Variants in VWA8 observed in about 807,000 individuals in gnomAD.
VWA8 encodes von Willebrand factor A domain-containing protein 8.
A neutral mutation model predicts 241.5 loss-of-function variants in VWA8; 221 were observed. The observed-to-expected ratio is 0.91, with a 90% CI of 0.82 to 1.02. The LOEUF is 1.02. Ranked by LOEUF, VWA8 falls within the 50% of genes least tolerant of loss-of-function variation. VWA8 has a pLI of 0.00. For missense variants in VWA8, 2,322 were observed against 2,328.7 expected (o/e 1.00, Z 0.06); for synonymous variants, 852 against 827.1 (o/e 1.03, Z -0.52).
At chr13:41,657,036 C>T (rs1365905638) in intron 37 of VWA8, among the ~76,000 whole-genome samples, 2 of 152,098 alleles carry the variant, frequency 1.3e-5, no homozygotes, top group Admixed American at 1.3e-4. Flanking sequence ...TATGCCATCC[C>T]TTTGGCCACA....
intron 37 of VWA8, among the ~76,000 whole-genome samples, chr13:41,644,786 T>C (rs919362100): frequency 3.9e-5 from 6 of 152,272 alleles, no homozygotes; most frequent in African/African-American, 1.4e-4. Flanking sequence ...CAGTGTTTAC[T>C]ATAAGGAGTG....
chr13:41,705,090 AT>A (rs2045274535), intron 26 of VWA8, among the ~76,000 whole-genome samples: 1 of 152,218 alleles, frequency 6.6e-6, no homozygotes, highest in South Asian at 2.1e-4. Context: ...TCCCTTTTGA[AT>A]GCTAATGTTT....
At chr13:41,917,659 G>A (rs2138121089) in intron 2 of VWA8, among the ~76,000 whole-genome samples, 1 of 152,270 alleles carries the variant, frequency 6.6e-6, no homozygotes, top group East Asian at 1.9e-4. Flanking sequence ...ACACCAGGCT[G>A]TATAGTGTGG....
intron 36 of VWA8, among the ~76,000 whole-genome samples, chr13:41,673,219 T>C (rs1187876718): frequency 6.6e-6 from 1 of 152,208 alleles, no homozygotes; most frequent in Non-Finnish European, 1.5e-5. Flanking sequence ...GCAGATAATA[T>C]AAAACTTTGA....
intron 35 of VWA8, among the ~76,000 whole-genome samples, chr13:41,680,134 A>T (rs1025154572): frequency 1.3e-5 from 2 of 151,970 alleles, no homozygotes; most frequent in Non-Finnish European, 2.9e-5. Context: ...CAGCTTTGCT[A>T]TGTCTTATAT....
intron 37 of VWA8, among the ~76,000 whole-genome samples, chr13:41,632,064 T>A (rs1488034922): frequency 2.0e-5 from 3 of 152,210 alleles, no homozygotes; most frequent in Admixed American, 2.0e-4. Context: ...AGCCCAGCCA[T>A]CAGACCTCCA....
chr13:41,636,130 T>C (rs1357494141), intron 37 of VWA8, among the ~76,000 whole-genome samples: 1 of 152,060 alleles, frequency 6.6e-6, no homozygotes, highest in Non-Finnish European at 1.5e-5. Flanking sequence ...TTCTTCCTTA[T>C]TAAGAACATC....
At chr13:41,893,710 C>T (rs1874963392) in intron 4 of VWA8, among the ~76,000 whole-genome samples, 1 of 151,990 alleles carries the variant, frequency 6.6e-6, no homozygotes, top group Non-Finnish European at 1.5e-5. Flanking sequence ...ATTGTGAAAC[C>T]CCGTCTCTAC....
intron 42 of VWA8, among the ~76,000 whole-genome samples, chr13:41,586,105 T>A (rs9594582): frequency 0.017 from 2,607 of 151,262 alleles, 80 homozygotes; most frequent in African/African-American, 0.059. Context: ...ATCTATCTCA[T>A]ACTAGAAAGG....
chr13:41,863,188 T>TATATATATATACACACACACAC (rs1566485237), intron 12 of VWA8, among the ~76,000 whole-genome samples: 2 of 151,338 alleles, frequency 1.3e-5, no homozygotes, highest in African/African-American at 4.9e-5. Flanking sequence ...AAGACGGGTC[T>TATATATATATACACACACACAC]AGCCTCCCAG....
At chr13:41,750,166 G>A (rs2045644535) in intron 21 of VWA8, among the ~76,000 whole-genome samples, 1 of 152,046 alleles carries the variant, frequency 6.6e-6, no homozygotes, top group Non-Finnish European at 1.5e-5. Context: ...TTGGCATGGT[G>A]GCTCACACCT....
intron 12 of VWA8, among the ~76,000 whole-genome samples, chr13:41,857,666 C>A (rs1872810834): frequency 6.6e-6 from 1 of 151,958 alleles, no homozygotes; most frequent in African/African-American, 2.4e-5. Flanking sequence ...AGCATTCTCC[C>A]ACTATATAGG....
At chr13:41,805,243 A>G (rs2137965988) in intron 17 of VWA8, among the ~76,000 whole-genome samples, 1 of 152,322 alleles carries the variant, frequency 6.6e-6, no homozygotes, top group Admixed American at 6.5e-5. Context: ...GAAACAAACA[A>G]ACAAAAGAAA....
intron 37 of VWA8, among the ~76,000 whole-genome samples, chr13:41,621,567 T>C (rs1683815999): frequency 6.6e-6 from 1 of 152,194 alleles, no homozygotes; most frequent in Non-Finnish European, 1.5e-5. Context: ...AAATAAATTT[T>C]AAAAAACCAG....
intron 40 of VWA8, among the ~76,000 whole-genome samples, chr13:41,594,551 T>G (rs761445073): frequency 3.3e-5 from 5 of 152,164 alleles, no homozygotes; most frequent in Non-Finnish European, 5.9e-5. Context: ...TTGGTGTTTC[T>G]AAAACCAGAA....
chr13:41,920,299 G>A (rs1390569785), intron 2 of VWA8, among the ~76,000 whole-genome samples: 2 of 152,092 alleles, frequency 1.3e-5, no homozygotes, highest in African/African-American at 4.8e-5. Flanking sequence ...CTGGAGCCAT[G>A]CCAGTTCTGC....
intron 4 of VWA8, among the ~76,000 whole-genome samples, chr13:41,894,191 A>G (rs893611359): frequency 6.6e-6 from 1 of 152,244 alleles, no homozygotes; most frequent in African/African-American, 2.4e-5. Context: ...CAAAGTCTTG[A>G]CAACATAGGA....
At chr13:41,798,831 T>C (rs545411670) in intron 17 of VWA8, among the ~76,000 whole-genome samples, 38 of 152,278 alleles carry the variant, frequency 2.5e-4, no homozygotes, top group Middle Eastern at 3.4e-3. Context: ...AGGTTTCCTA[T>C]CTCTTCACTT....
At chr13:41,627,122 A>T (rs1056856978) in intron 37 of VWA8, among the ~76,000 whole-genome samples, 1 of 152,202 alleles carries the variant, frequency 6.6e-6, no homozygotes, top group African/African-American at 2.4e-5. Flanking sequence ...GACACTTCTC[A>T]AAAGAAGATG....
Sources: allele counts gnomAD v4.1 joint callset (sites outside exome capture counted in the v4.1 genomes callset), GRCh38; gene constraint gnomAD v4.1.1; transcripts MANE v1.5; gene names NCBI Gene and HGNC (gene_info 2026-07-23, HGNC 2026-07-21).